Variants in ARL14EPL observed in about 807,000 individuals in gnomAD.
ARL14EPL encodes ARF like GTPase 14 effector protein like.
ARL14EPL carries 17 observed loss-of-function variants against 15.9 expected under a neutral mutation model. The ratio of observed to expected loss-of-function variants is 1.07; its 90% CI spans 0.73 to 1.60. The LOEUF (loss-of-function observed/expected upper bound fraction) is 1.60, where lower values mean the gene tolerates loss of function less well. Ranked by LOEUF, ARL14EPL falls within the 40% of genes most tolerant of loss-of-function variation. The probability of loss-of-function intolerance (pLI) is 0.00; values close to 1 mark genes in which losing one functional copy is unlikely to be tolerated. For synonymous variants in ARL14EPL, 78 were observed against 63.8 expected (o/e 1.22, Z -1.06); for missense variants, 214 against 185.9 (o/e 1.15, Z -0.88).
chr5:116,040,993 A>AAAAAAAAAAAAAAAAAG (rs1749145407), intron 1 of ARL14EPL, among the ~76,000 whole-genome samples: 1 of 145,298 alleles, frequency 6.9e-6, no homozygotes, highest in South Asian at 2.2e-4. Context: ...AAAAAAAAAA[A>AAAAAAAAAAAAAAAAAG]GTTTTTATGC....
intron 3 of ARL14EPL, among the ~76,000 whole-genome samples, 197 bp from the exon 4 acceptor site, chr5:116,058,528 G>A (rs994841257): frequency 2.0e-5 from 3 of 152,150 alleles, no homozygotes; most frequent in African/African-American, 2.4e-5. Context: ...TTCCCGTGAC[G>A]TCACTGCCGT....
rs933685955 is a variant in ARL14EPL at position 116,058,837 on chromosome 5, T to G, written c.349T>G (p.Ser117Ala). The G allele has an allele frequency of 9.1e-6, 14 of 1,536,064 alleles. No individual in the cohort carries two copies. Among genetic ancestry groups the G allele is most frequent in the Non-Finnish European group, 1.2e-5 (14 of 1,146,884 alleles). ...CTTCTACCCATGCCCGAAGTGTAAC[T>G]CCAACAAGTGTGGGCCCGAGTGCCG... The part of the protein sequence containing the change: ...GCFYPCPKCN[S>A]NKCGPECRCN... The change falls in exon 4 of 4, where the codon TCC (serine) becomes GCC (alanine). Residue 117 changes from serine (S) to alanine (A), a missense_variant. Coordinates refer to ENST00000686077, the MANE Select transcript of ARL14EPL (RefSeq NM_001195581.2).
chr5:116,041,997 T>A (rs1749168388), intron 1 of ARL14EPL, among the ~76,000 whole-genome samples: 1 of 151,934 alleles, frequency 6.6e-6, no homozygotes, highest in Non-Finnish European at 1.5e-5. Flanking sequence ...CTCGGCTAAT[T>A]TTTTTATTTT....
chr5:116,044,606 T>C (rs961861831), intron 1 of ARL14EPL, among the ~76,000 whole-genome samples: 5 of 152,078 alleles, frequency 3.3e-5, no homozygotes, highest in Non-Finnish European at 5.9e-5. Flanking sequence ...ACTTTTGAAG[T>C]TGACATATAA....
At chr5:116,040,979 C>CAAAAAAAAAAA (rs56060606) in intron 1 of ARL14EPL, among the ~76,000 whole-genome samples, 5 of 66,146 alleles carry the variant, frequency 7.6e-5, no homozygotes, top group Admixed American at 1.8e-4. Flanking sequence ...GATTCCCTCT[C>CAAAAAAAAAAA]AAAAAAAAAA....
chr5:116,051,837 G>GTTTTTA lies in ARL14EPL; in HGVS notation c.96+294_96+299dup, dbSNP rs372991139. 67 of 1,064,478 alleles carry GTTTTTA rather than the reference G, an allele frequency of 6.3e-5. 1 individual carries two copies. The South Asian group carries it at 9.1e-4, about 15-fold the overall frequency. 65.9% of individuals were successfully genotyped at this position (1,064,478 alleles called of 1,614,324 possible). A position where few individuals can be genotyped will look rare whatever the true frequency, so the allele number is the denominator to read the frequency against. ...CTTTTTGTGGAGAATATATACAAAC[G>GTTTTTA]TTTTTATTTTTATTTTTATTTTTTG... On this transcript the variant is annotated intron_variant, in intron 2 of 3. Coordinates refer to ENST00000686077, the MANE Select transcript of ARL14EPL (RefSeq NM_001195581.2).
intron 2 of ARL14EPL, chr5:116,051,974 G>A: frequency 6.2e-7 from 1 of 1,611,858 alleles, no homozygotes; most frequent in South Asian, 1.1e-5. Flanking sequence ...AATTACTTGA[G>A]CTCTGTGCTT....
intron 3 of ARL14EPL, among the ~76,000 whole-genome samples, chr5:116,057,239 A>C (rs1005859110): frequency 6.6e-6 from 1 of 152,310 alleles, no homozygotes; most frequent in East Asian, 1.9e-4. Flanking sequence ...ATCAAGGTAC[A>C]GTTCCTTTTT....
chr5:116,038,856 G>T (rs780780251), intron 1 of ARL14EPL, among the ~76,000 whole-genome samples: 4 of 152,154 alleles, frequency 2.6e-5, no homozygotes, highest in Non-Finnish European at 5.9e-5. Flanking sequence ...TGTTTCTGTG[G>T]ATCTTTAATG....
rs994983343 is a variant in ARL14EPL at position 116,051,519 on chromosome 5, T to G, written c.54T>G (p.His18Gln). ...CCATTCAAGAGAGACACACAGATCA[T>G]AGTTTTCCTGAGAAGAACTGTCAAA... The part of the protein sequence containing the change: ...NNSIQERHTD[H>Q]SFPEKNCQIG... The change falls in exon 2 of 4, where the codon CAT (histidine) becomes CAG (glutamine). Residue 18 changes from histidine (H) to glutamine (Q), a missense_variant. Coordinates refer to ENST00000686077, the MANE Select transcript of ARL14EPL (RefSeq NM_001195581.2). The G allele has an allele frequency of 2.0e-6, 3 of 1,535,634 alleles. No homozygotes were observed. The African/African-American group carries it at 4.1e-5, about 21-fold the overall frequency.
At chr5:116,058,195 T>G (rs1749564465) in intron 3 of ARL14EPL, among the ~76,000 whole-genome samples, 1 of 150,176 alleles carries the variant, frequency 6.7e-6, no homozygotes, top group South Asian at 2.1e-4. Flanking sequence ...ACTTGGAGAC[T>G]GTTAGCAAAG....
chr5:116,042,812 C>T (rs1749188056), intron 1 of ARL14EPL, among the ~76,000 whole-genome samples: 1 of 152,168 alleles, frequency 6.6e-6, no homozygotes, highest in Non-Finnish European at 1.5e-5. Context: ...AATTACTTGG[C>T]TGCAGTAAGA....
chr5:116,050,485 T>G (rs958312174), intron 1 of ARL14EPL, among the ~76,000 whole-genome samples: 1 of 152,232 alleles, frequency 6.6e-6, no homozygotes, highest in African/African-American at 2.4e-5. Context: ...TTGGTGAGAA[T>G]GTAAATTAGT....
At chr5:116,041,689 GT>G (rs1326374090) in intron 1 of ARL14EPL, among the ~76,000 whole-genome samples, 1 of 152,118 alleles carries the variant, frequency 6.6e-6, no homozygotes, top group Non-Finnish European at 1.5e-5. Flanking sequence ...TCTGAAATCT[GT>G]AGACTTCTCC....
intron 1 of ARL14EPL, among the ~76,000 whole-genome samples, chr5:116,038,981 G>A (rs569702935): frequency 2.3e-4 from 35 of 152,116 alleles, no homozygotes; most frequent in African/African-American, 6.0e-4. Context: ...CAGGGGTGGC[G>A]GAGGAAATGA....
intron 1 of ARL14EPL, among the ~76,000 whole-genome samples, chr5:116,033,254 C>A (rs1375685823): frequency 6.6e-6 from 1 of 152,158 alleles, no homozygotes; most frequent in Non-Finnish European, 1.5e-5. Context: ...AAAAGTGATA[C>A]AAATTCAATA....
intron 1 of ARL14EPL, among the ~76,000 whole-genome samples, chr5:116,041,791 G>A (rs1418684912): frequency 6.6e-6 from 1 of 152,028 alleles, no homozygotes; most frequent in East Asian, 1.9e-4. Flanking sequence ...GCATTTTTCA[G>A]GATTCACTAA....
chr5:116,045,619 A>T lies in ARL14EPL; in HGVS notation c.-9-5838A>T, dbSNP rs375698386. Among the ~76,000 whole-genome samples the T allele has an allele frequency of 7.2e-5, 11 of 152,218 alleles. No individual in the cohort carries two copies. In the East Asian group the frequency reaches 9.6e-4, roughly 13 times the overall value. On this transcript the variant is annotated intron_variant, in intron 1 of 3. Coordinates refer to ENST00000686077, the MANE Select transcript of ARL14EPL (RefSeq NM_001195581.2). ...GATGCCAGATGGTAGCATTCGTGGCATTAGCAATAGCAACTATGTGGTGGC... is the reference window on the plus strand; with the variant it reads ...GATGCCAGATGGTAGCATTCGTGGCTTTAGCAATAGCAACTATGTGGTGGC...
In ARL14EPL at chr5:116,056,586, A is replaced by G. The variant is rs567103031; in HGVS notation, c.237-2139A>G. 5.6e-3 allele frequency among the ~76,000 whole-genome samples: 857 copies of G among 152,116 alleles called. 7 individuals are homozygous for G. Among genetic ancestry groups the G allele is most frequent in the African/African-American group, 0.02 (818 of 41,462 alleles). On this transcript the variant is annotated intron_variant, in intron 3 of 3. Coordinates refer to ENST00000686077, the MANE Select transcript of ARL14EPL (RefSeq NM_001195581.2). Reference sequence around the variant, plus strand: ...GAGTAGATTGCAAAAATTTTCTCCCATTCTGTAGGTTGCCTGTTCACTCTG... The same window carrying G: ...GAGTAGATTGCAAAAATTTTCTCCCGTTCTGTAGGTTGCCTGTTCACTCTG...
Sources: allele counts gnomAD v4.1 joint callset (sites outside exome capture counted in the v4.1 genomes callset), GRCh38; gene constraint gnomAD v4.1.1; transcripts MANE v1.5; gene names NCBI Gene and HGNC (gene_info 2026-07-23, HGNC 2026-07-21).